PLPP1: variants seen among roughly 807,000 people sequenced by gnomAD.
PLPP1 encodes lipid phosphate phosphohydrolase 1a.
A neutral mutation model predicts 31.2 loss-of-function variants in PLPP1; 24 were observed. The ratio of observed to expected loss-of-function variants is 0.77; its 90% CI spans 0.56 to 1.08. PLPP1 has a LOEUF of 1.08. Ranked by LOEUF, PLPP1 falls within the 50% of genes least tolerant of loss-of-function variation. PLPP1 has a pLI of 0.00. For missense variants in PLPP1, 319 were observed against 342.7 expected (o/e 0.93, Z 0.55); for synonymous variants, 146 against 126.3 (o/e 1.16, Z -1.05).
At chr5:55,482,158 C>T (rs10063782) in intron 1 of PLPP1, among the ~76,000 whole-genome samples, 25,577 of 147,344 alleles carry the variant, frequency 0.17, 2,506 homozygotes, top group East Asian at 0.34. Context: ...TGGAGATATA[C>T]ATATCTCATA....
At chr5:55,469,484 C>A (rs1194756023) in intron 2 of PLPP1, among the ~76,000 whole-genome samples, 1 of 145,602 alleles carries the variant, frequency 6.9e-6, no homozygotes, top group Non-Finnish European at 1.5e-5. Flanking sequence ...ACAGCGAGAC[C>A]CCATCTCAAA....
chr5:55,429,618 A>C (rs1168008769), intron 4 of PLPP1, among the ~76,000 whole-genome samples: 1 of 152,056 alleles, frequency 6.6e-6, no homozygotes, highest in East Asian at 1.9e-4. Context: ...CCGAGTCCTA[A>C]GCAGCTACAG....
chr5:55,505,042 C>T (rs929572641), intron 1 of PLPP1, among the ~76,000 whole-genome samples: 1 of 151,988 alleles, frequency 6.6e-6, no homozygotes, highest in African/African-American at 2.4e-5. Flanking sequence ...AACTCCTGGT[C>T]GCAAGTGATG....
chr5:55,456,167 T>G (rs1159281183), intron 3 of PLPP1, among the ~76,000 whole-genome samples: 1 of 152,180 alleles, frequency 6.6e-6, no homozygotes, highest in Non-Finnish European at 1.5e-5. Flanking sequence ...ATATTAAAAT[T>G]AATAAGTATT....
chr5:55,455,479 A>G (rs538841522), intron 3 of PLPP1, among the ~76,000 whole-genome samples: 1 of 152,242 alleles, frequency 6.6e-6, no homozygotes, highest in South Asian at 2.1e-4. Context: ...AACAGCACCT[A>G]TAGGTGCCAA....
chr5:55,452,323 G>A (rs931199786), intron 3 of PLPP1, among the ~76,000 whole-genome samples: 2 of 152,098 alleles, frequency 1.3e-5, no homozygotes, highest in Non-Finnish European at 2.9e-5. Context: ...AAAAGAGTCT[G>A]GGACCTTCTC....
chr5:55,495,815 C>A (rs1415620686), intron 1 of PLPP1, among the ~76,000 whole-genome samples: 1 of 152,048 alleles, frequency 6.6e-6, no homozygotes, highest in East Asian at 1.9e-4. Flanking sequence ...ATGGAATAGT[C>A]TTTATCTGCT....
intron 3 of PLPP1, among the ~76,000 whole-genome samples, chr5:55,461,724 T>G (rs984736456): frequency 2.0e-5 from 3 of 151,940 alleles, no homozygotes; most frequent in Non-Finnish European, 4.4e-5. Context: ...TCTTAGCCAG[T>G]GTAGTAAGGA....
chr5:55,440,136 C>G (rs1751589594), intron 4 of PLPP1, among the ~76,000 whole-genome samples: 1 of 152,178 alleles, frequency 6.6e-6, no homozygotes, highest in Admixed American at 6.5e-5. Context: ...TCATCAAGAT[C>G]AATCAAAACT....
intron 1 of PLPP1, among the ~76,000 whole-genome samples, chr5:55,494,879 G>A (rs570855365): frequency 6.6e-6 from 1 of 151,738 alleles, no homozygotes; most frequent in African/African-American, 2.4e-5. Flanking sequence ...CTAGCACTTT[G>A]GGAGGCAAAG....
chr5:55,445,438 T>C (rs1751739247), intron 3 of PLPP1, among the ~76,000 whole-genome samples: 2 of 152,082 alleles, frequency 1.3e-5, no homozygotes, highest in Admixed American at 6.6e-5. Flanking sequence ...CACCTGACTT[T>C]CTTCCTTTCC....
At chr5:55,472,418 T>C (rs1039486758) in intron 2 of PLPP1, among the ~76,000 whole-genome samples, 1 of 151,852 alleles carries the variant, frequency 6.6e-6, no homozygotes, top group Non-Finnish European at 1.5e-5. Context: ...CTGGCCAACA[T>C]AGTGAAACCC....
At chr5:55,495,736 T>TACAC (rs139449145) in intron 1 of PLPP1, among the ~76,000 whole-genome samples, 18 of 151,044 alleles carry the variant, frequency 1.2e-4, no homozygotes, top group South Asian at 4.2e-4. Context: ...TCATATGTAT[T>TACAC]ACACACACAC....
intron 1 of PLPP1, among the ~76,000 whole-genome samples, chr5:55,514,365 AAC>A (rs1454336962): frequency 1.3e-5 from 2 of 150,544 alleles, no homozygotes; most frequent in Admixed American, 1.3e-4. Flanking sequence ...CACCCTGAAC[AAC>A]AGAGTGAGGA....
chr5:55,511,443 T>C (rs1169624454), intron 1 of PLPP1, among the ~76,000 whole-genome samples: 1 of 152,062 alleles, frequency 6.6e-6, no homozygotes, highest in Non-Finnish European at 1.5e-5. Flanking sequence ...ACAAAATATA[T>C]GTATACATGC....
chr5:55,499,587 T>C (rs1579967000), intron 1 of PLPP1, among the ~76,000 whole-genome samples: 1 of 152,136 alleles, frequency 6.6e-6, no homozygotes, highest in African/African-American at 2.4e-5. Context: ...AGAGAAAGGT[T>C]TGCTTTATAA....
At chr5:55,471,525 T>C (rs1752415663) in intron 2 of PLPP1, among the ~76,000 whole-genome samples, 1 of 152,124 alleles carries the variant, frequency 6.6e-6, no homozygotes. Context: ...TTATCAACTC[T>C]CACTTACTTT....
intron 1 of PLPP1, among the ~76,000 whole-genome samples, chr5:55,493,432 G>A (rs149996398): frequency 6.6e-6 from 1 of 152,190 alleles, no homozygotes; most frequent in East Asian, 1.9e-4. Flanking sequence ...CAGTGCTTGA[G>A]ATTTCTGTGT....
intron 3 of PLPP1, among the ~76,000 whole-genome samples, chr5:55,451,287 G>T (rs986820305): frequency 6.6e-6 from 1 of 152,156 alleles, no homozygotes; most frequent in Non-Finnish European, 1.5e-5. Context: ...AGGCAGGCGT[G>T]ATAGTAAAAA....
Sources: gnomAD v4.1 joint callset for allele counts (sites outside exome capture counted in the v4.1 genomes callset) on GRCh38, gnomAD v4.1.1 for gene constraint, MANE v1.5 for transcripts, NCBI Gene and HGNC (gene_info 2026-07-23, HGNC 2026-07-21) for gene names.